The following PLPP4 variants were observed in gnomAD, a reference collection of about 807,000 sequenced individuals.
PLPP4 encodes the protein diacylglycerol pyrophosphate like 2.
A neutral mutation model predicts 32.2 loss-of-function variants in PLPP4; 20 were observed. That is an observed-to-expected ratio of 0.62 (90% CI 0.44 to 0.90). The LOEUF is 0.90. Ranked by LOEUF, PLPP4 falls within the 40% of genes least tolerant of loss-of-function variation. The pLI, the probability that PLPP4 is intolerant of heterozygous loss-of-function variation, is 0.00. For missense variants in PLPP4, 257 were observed against 353.1 expected, an observed-to-expected ratio of 0.73 and a Z score of 2.18; for synonymous variants, 127 against 133.0, an observed-to-expected ratio of 0.95 and a Z score of 0.31.
intron 5 of PLPP4, among the ~76,000 whole-genome samples, chr10:120,533,746 G>GA (rs1320628106): frequency 1.3e-5 from 2 of 151,884 alleles, no homozygotes; most frequent in Non-Finnish European, 2.9e-5. Context: ...GAAGCTGAGG[G>GA]AAAAAGGGAG....
chr10:120,526,455 G>A (rs1184034133), intron 5 of PLPP4, among the ~76,000 whole-genome samples: 1 of 152,158 alleles, frequency 6.6e-6, no homozygotes, highest in Non-Finnish European at 1.5e-5. Context: ...GACCTCCAGT[G>A]TTAGCTAGCG....
chr10:120,472,692 T>C (rs1848571047), intron 1 of PLPP4, among the ~76,000 whole-genome samples: 2 of 152,162 alleles, frequency 1.3e-5, no homozygotes, highest in Admixed American at 1.3e-4. Flanking sequence ...CTGTTGCTCC[T>C]GTATTTTTGG....
At position 120,556,294 on chromosome 10, in the gene PLPP4, A is replaced by G. The variant is rs57448038; in HGVS notation, c.446-18837A>G. ...TGGGGGGTAATTCTTCTAGTCCTGT[A>G]TTTTTTGTCTCTCTTAAAGCTGACA... On this transcript the variant is annotated intron_variant, in intron 5 of 6. Coordinates refer to ENST00000398250, the MANE Select transcript of PLPP4 (RefSeq NM_001030059.3). Among the ~76,000 whole-genome samples the G allele has an allele frequency of 9.3e-3, 1,420 of 152,130 alleles. 25 individuals are homozygous for G. The highest frequency in any genetic ancestry group is 0.032 in the African/African-American group (1,328 of 41,490).
At chr10:120,574,180 T>A (rs1421646066) in intron 5 of PLPP4, among the ~76,000 whole-genome samples, 1,914 of 95,170 alleles carry the variant, frequency 0.02, 12 homozygotes, top group South Asian at 0.065. Context: ...TCTCTCTCTC[T>A]CTCTCTCTCT....
chr10:120,520,361 G>A (rs186847981), intron 4 of PLPP4, among the ~76,000 whole-genome samples: 9 of 152,182 alleles, frequency 5.9e-5, no homozygotes, highest in South Asian at 2.1e-4. Flanking sequence ...AGGATATACG[G>A]ACACGAGGAG....
chr10:120,550,883 T>C (rs1432181745), intron 5 of PLPP4, among the ~76,000 whole-genome samples: 1 of 151,648 alleles, frequency 6.6e-6, no homozygotes, highest in Non-Finnish European at 1.5e-5. Context: ...TAATAGAAAA[T>C]AAAAGATAAA....
intron 6 of PLPP4, among the ~76,000 whole-genome samples, chr10:120,576,635 A>G (rs1016974503): frequency 6.6e-6 from 1 of 152,244 alleles, no homozygotes; most frequent in Admixed American, 6.5e-5. Context: ...GTATAGGGAA[A>G]GAGATGCTGA....
chr10:120,463,128 T>C (rs11199352), intron 1 of PLPP4, among the ~76,000 whole-genome samples: 12,682 of 149,484 alleles, frequency 0.085, 781 homozygotes, highest in Non-Finnish European at 0.11. Flanking sequence ...CCTGGGTTCA[T>C]GCCATTCTCC....
At chr10:120,491,912 A>G (rs928821280) in intron 1 of PLPP4, among the ~76,000 whole-genome samples, 5 of 152,246 alleles carry the variant, frequency 3.3e-5, no homozygotes, top group Admixed American at 2.0e-4. Flanking sequence ...GTAATACCTG[A>G]TGAAATTAAT....
chr10:120,552,732 A>G (rs1330104589), intron 5 of PLPP4, among the ~76,000 whole-genome samples: 1 of 152,188 alleles, frequency 6.6e-6, no homozygotes, highest in Non-Finnish European at 1.5e-5. Flanking sequence ...CTTTGGCCCT[A>G]CAGAACACAA....
At chr10:120,551,679 T>C (rs1847909515) in intron 5 of PLPP4, among the ~76,000 whole-genome samples, 3 of 152,090 alleles carry the variant, frequency 2.0e-5, no homozygotes, top group Admixed American at 2.0e-4. Context: ...TTGTCCTAAG[T>C]GGGGAGGTCA....
chr10:120,584,846 C>T (rs1483615285), intron 6 of PLPP4, among the ~76,000 whole-genome samples: 1 of 152,154 alleles, frequency 6.6e-6, no homozygotes, highest in Non-Finnish European at 1.5e-5. Context: ...TTCTCATAGA[C>T]TCCCATAGCA....
intron 1 of PLPP4, among the ~76,000 whole-genome samples, chr10:120,488,147 G>A (rs1412728020): frequency 6.6e-6 from 1 of 152,220 alleles, no homozygotes; most frequent in East Asian, 1.9e-4. Flanking sequence ...GGAAAAGAAT[G>A]ATCAGGGAGA....
intron 5 of PLPP4, among the ~76,000 whole-genome samples, chr10:120,565,052 TAATAC>T (rs957617099): frequency 1.1e-4 from 16 of 152,216 alleles, no homozygotes; most frequent in African/African-American, 3.9e-4. Context: ...AGTCTCAAGT[TAATAC>T]CTTTTCTTCC....
At chr10:120,495,140 C>T (rs1844903447) in intron 1 of PLPP4, among the ~76,000 whole-genome samples, 1 of 152,156 alleles carries the variant, frequency 6.6e-6, no homozygotes, top group Non-Finnish European at 1.5e-5. Flanking sequence ...GCACTCATTT[C>T]TAAAATAGGA....
At chr10:120,473,353 C>T (rs1479893064) in intron 1 of PLPP4, among the ~76,000 whole-genome samples, 1 of 151,754 alleles carries the variant, frequency 6.6e-6, no homozygotes, top group Non-Finnish European at 1.5e-5. Context: ...ATGGTTTTTA[C>T]TCCTATGGTT....
intron 6 of PLPP4, among the ~76,000 whole-genome samples, chr10:120,578,248 C>T (rs1339200715): frequency 6.6e-6 from 1 of 152,220 alleles, no homozygotes; most frequent in Non-Finnish European, 1.5e-5. Flanking sequence ...TCAAAGGTTT[C>T]CCACTGGGAG....
chr10:120,591,516 A>G lies in PLPP4; in HGVS notation c.*2014A>G, dbSNP rs1367158430. ...AATTCTGAGCTAAAATTCATTTAAA[A>G]TTAGAAAATTAAACAATACTCTAAT... On this transcript the variant is annotated 3_prime_UTR_variant, in exon 7 of 7. Coordinates refer to ENST00000398250, the MANE Select transcript of PLPP4 (RefSeq NM_001030059.3). Among the ~76,000 whole-genome samples the G allele has an allele frequency of 6.6e-6, 1 of 152,222 alleles. No homozygotes were observed. Among genetic ancestry groups the G allele is most frequent in the Non-Finnish European group, 1.5e-5 (1 of 68,036 alleles).
At chr10:120,522,648 A>G (rs1383900180) in intron 5 of PLPP4, among the ~76,000 whole-genome samples, 1 of 152,186 alleles carries the variant, frequency 6.6e-6, no homozygotes. Context: ...CCAAACAGAT[A>G]CGTTTAAGTC....
Sources: allele counts gnomAD v4.1 joint callset (sites outside exome capture counted in the v4.1 genomes callset), GRCh38; gene constraint gnomAD v4.1.1; transcripts MANE v1.5; gene names NCBI Gene and HGNC (gene_info 2026-07-23, HGNC 2026-07-21).